Variants in AOX1 observed in about 807,000 individuals in gnomAD.
AOX1 encodes aldehyde oxidase 1.
AOX1 carries 153 observed loss-of-function variants against 169.5 expected under a neutral mutation model. The ratio of observed to expected loss-of-function variants is 0.90; its 90% CI spans 0.79 to 1.03. The LOEUF (loss-of-function observed/expected upper bound fraction) is 1.03, where lower values mean the gene tolerates loss of function less well. AOX1 is among the 50% of genes least tolerant of loss of function. AOX1 has a pLI of 0.00. For missense variants in AOX1, 1,656 were observed against 1,663.9 expected (o/e 1.00, Z 0.08); for synonymous variants, 562 against 581.9 (o/e 0.97, Z 0.49).
intron 28 of AOX1, 81 bp from the exon 29 acceptor site, chr2:200,659,914 G>A: frequency 9.2e-7 from 1 of 1,084,434 alleles, no homozygotes; most frequent in Non-Finnish European, 1.4e-6. Flanking sequence ...TAAGCCTATG[G>A]AATGGTACAT....
At chr2:200,661,956 C>G (rs917250270) in intron 30 of AOX1, among the ~76,000 whole-genome samples, 1 of 152,020 alleles carries the variant, frequency 6.6e-6, no homozygotes, top group Non-Finnish European at 1.5e-5. Context: ...GTTGAAAACA[C>G]GATCTATCTC....
At chr2:200,623,264 G>A (rs1314637025) in intron 18 of AOX1, among the ~76,000 whole-genome samples, 1 of 152,152 alleles carries the variant, frequency 6.6e-6, no homozygotes, top group African/African-American at 2.4e-5. Context: ...GTGAACTCCT[G>A]AGCCTAGCTG....
Position 200,662,978 on chromosome 2 carries a change from C to T in AOX1, c.3543+9C>T, listed in dbSNP as rs760510641. 1.3e-4 allele frequency: 209 copies of T among 1,610,606 alleles called. 1 individual carries two copies. The highest frequency in any genetic ancestry group is 4.9e-4 in the Middle Eastern group (3 of 6,062). ...TGACGGGGGATCATAAGGTCAGTAC[C>T]GGTTGGAAAGGTCTTCAAGTTGCAC... On this transcript the variant is annotated intron_variant, in intron 31 of 34. Coordinates refer to ENST00000374700, the MANE Select transcript of AOX1 (RefSeq NM_001159.4).
intron 12 of AOX1, among the ~76,000 whole-genome samples, chr2:200,610,096 G>T (rs569064624): frequency 4.5e-4 from 67 of 148,248 alleles, no homozygotes; most frequent in African/African-American, 1.6e-3. Flanking sequence ...TTTTGAAATG[G>T]AGTCTCGCTC....
chr2:200,649,794 G>A (rs1437226762), intron 25 of AOX1, among the ~76,000 whole-genome samples: 1 of 152,144 alleles, frequency 6.6e-6, no homozygotes, highest in Non-Finnish European at 1.5e-5. Context: ...TGTGATGCTG[G>A]TGCAAGGAGG....
At chr2:200,591,418 T>C (rs772441244) in intron 1 of AOX1, among the ~76,000 whole-genome samples, 22 of 152,196 alleles carry the variant, frequency 1.4e-4, no homozygotes, top group Non-Finnish European at 2.9e-4. Context: ...ACATACAAAA[T>C]TCTGCCAAGA....
intron 20 of AOX1, among the ~76,000 whole-genome samples, chr2:200,628,093 G>T (rs2035042851): frequency 6.6e-6 from 1 of 151,808 alleles, no homozygotes; most frequent in Non-Finnish European, 1.5e-5. Context: ...TTAACTTTTG[G>T]CTTTGAGATA....
At position 200,654,206 on chromosome 2, in the gene AOX1, C is replaced by CA. The variant is rs60045401; in HGVS notation, c.3076-2609dup. Among the ~76,000 whole-genome samples the CA allele has an allele frequency of 8.8e-3, 745 of 84,714 alleles. 20 individuals carry two copies. The highest frequency in any genetic ancestry group is 0.018 in the Middle Eastern group (3 of 170). 55.6% of individuals were successfully genotyped at this position (84,714 alleles called of 152,430 possible). A position where few individuals can be genotyped will look rare whatever the true frequency, so the allele number is the denominator to read the frequency against. On this transcript the variant is annotated intron_variant, in intron 26 of 34. Coordinates refer to ENST00000374700, the MANE Select transcript of AOX1 (RefSeq NM_001159.4). ...CTGGGTGACAGAAGAGACCCTGTCTCAAAAAAAAAAAAAAAAAAAAAAAAA... is the reference window on the plus strand; with the variant it reads ...CTGGGTGACAGAAGAGACCCTGTCTCAAAAAAAAAAAAAAAAAAAAAAAAAA...
intron 19 of AOX1, among the ~76,000 whole-genome samples, chr2:200,626,615 T>C (rs2035011628): frequency 6.6e-6 from 1 of 152,226 alleles, no homozygotes; most frequent in Non-Finnish European, 1.5e-5. Context: ...GGAGCTAGTG[T>C]ATAAATGGAT....
At chr2:200,590,960 C>T (rs1356480396) in intron 1 of AOX1, among the ~76,000 whole-genome samples, 7 of 152,210 alleles carry the variant, frequency 4.6e-5, no homozygotes, top group Non-Finnish European at 7.4e-5. Flanking sequence ...TTCCAAGTAG[C>T]GGGAAGGAAG....
At chr2:200,620,418 AG>A (rs1417402294) in intron 16 of AOX1, among the ~76,000 whole-genome samples, 1 of 151,884 alleles carries the variant, frequency 6.6e-6, no homozygotes. Context: ...TATGTTGGCC[AG>A]GCTGGTCTCG....
chr2:200,638,051 C>T, intron 22 of AOX1, 164 bp from the exon 23 acceptor site: 1 of 577,662 alleles, frequency 1.7e-6, no homozygotes, highest in East Asian at 3.2e-5. Context: ...GGAGGAAAGC[C>T]CACGGTGTAT....
At chr2:200,602,191 T>C (rs927928073) in intron 5 of AOX1, 93 bp from the exon 6 acceptor site, 2 of 990,912 alleles carry the variant, frequency 2.0e-6, no homozygotes, top group Non-Finnish European at 3.1e-6. Flanking sequence ...AGATCTTTCC[T>C]CTATGATAGG....
intron 29 of AOX1, among the ~76,000 whole-genome samples, chr2:200,661,196 C>A (rs924690504): frequency 1.3e-5 from 2 of 152,112 alleles, no homozygotes; most frequent in South Asian, 2.1e-4. Flanking sequence ...ATAAAATGAA[C>A]CCTTACTCTA....
At chr2:200,589,000 G>A (rs1021827101) in intron 1 of AOX1, among the ~76,000 whole-genome samples, 1 of 151,980 alleles carries the variant, frequency 6.6e-6, no homozygotes, top group Non-Finnish European at 1.5e-5. Context: ...GTTGAGAAGA[G>A]TGTGAGAGAA....
chr2:200,642,747 C>T lies in AOX1; in HGVS notation c.2793C>T (p.Ile931=), dbSNP rs1574946903. ...RGFGFPQAAL[I]TESCITEVAA... is the part of the protein sequence containing the mutation. ...TTGGCTTTCCTCAGGCAGCGCTGAT[C>T]ACCGAATCTTGTATCACGGAAGTTG... The change falls in exon 25 of 35, where the codon ATC becomes ATT. Residue 931 remains isoleucine, a synonymous_variant. Transcript: ENST00000374700. The T allele has an allele frequency of 1.2e-6, 2 of 1,613,990 alleles. No homozygotes were observed. The highest frequency in any genetic ancestry group is 1.7e-6 in the Non-Finnish European group (2 of 1,179,936).
At chr2:200,674,174 G>C (rs1228162391), downstream of AOX1, among the ~76,000 whole-genome samples, 1 of 152,208 alleles carries the variant, frequency 6.6e-6, no homozygotes, top group African/African-American at 2.4e-5. Flanking sequence ...CAGAGTGGAG[G>C]GGTCCTTAAG....
At chr2:200,601,410 T>C (rs187747427) in intron 5 of AOX1, among the ~76,000 whole-genome samples, 376 of 152,276 alleles carry the variant, frequency 2.5e-3, no homozygotes, top group Non-Finnish European at 4.1e-3. Flanking sequence ...TAGTTAACAC[T>C]GTATTGTATA....
intron 27 of AOX1, among the ~76,000 whole-genome samples, chr2:200,657,182 A>ATTT (rs1559258479): frequency 1.2e-4 from 8 of 66,504 alleles, no homozygotes; most frequent in Admixed American, 1.1e-3. Flanking sequence ...ATATATATAT[A>ATTT]TATATATATT....
Sources: gnomAD v4.1 joint callset for allele counts (sites outside exome capture counted in the v4.1 genomes callset) on GRCh38, gnomAD v4.1.1 for gene constraint, MANE v1.5 for transcripts, NCBI Gene and HGNC (gene_info 2026-07-23, HGNC 2026-07-21) for gene names.